LRRC9: variants seen among roughly 807,000 people sequenced by gnomAD.
LRRC9 encodes the protein leucine rich repeat containing 9.
Under a neutral mutation model 63.2 loss-of-function variants are expected in LRRC9, and 122 were observed. The observed-to-expected ratio is 1.93, with a 90% confidence interval of 1.67 to 2.24. The LOEUF (loss-of-function observed/expected upper bound fraction) is 2.24. LRRC9 is among the 30% of genes most tolerant of loss of function. The probability of loss-of-function intolerance (pLI) is 0.00; values close to 1 mark genes in which losing one functional copy is unlikely to be tolerated. For synonymous variants in LRRC9, 366 were observed against 213.1 expected, an observed-to-expected ratio of 1.72 and a Z score of -6.25; for missense variants, 1,071 against 627.7, an observed-to-expected ratio of 1.71 and a Z score of -7.55.
intron 1 of LRRC9, among the ~76,000 whole-genome samples, chr14:59,925,198 C>T (rs543499885): frequency 6.6e-6 from 1 of 152,254 alleles, no homozygotes; most frequent in African/African-American, 2.4e-5. Flanking sequence ...GGTCCCATCC[C>T]TCCTTCTTGA....
intron 18 of LRRC9, 23 bp downstream of exon 18, chr14:59,997,870 A>C (rs1365770143): frequency 1.6e-6 from 1 of 642,696 alleles, no homozygotes; most frequent in East Asian, 2.8e-5. Context: ...CATGTTACTA[A>C]AAAGCAAACA....
chr14:60,034,333 A>G (rs575898420), intron 29 of LRRC9, among the ~76,000 whole-genome samples: 3 of 151,922 alleles, frequency 2.0e-5, no homozygotes, highest in Non-Finnish European at 4.4e-5. Context: ...TTTTTAATGT[A>G]TTGCTGTCAT....
chr14:59,934,985 AAAAT>A (rs1338463501), intron 6 of LRRC9, among the ~76,000 whole-genome samples: 10 of 152,206 alleles, frequency 6.6e-5, no homozygotes, highest in Admixed American at 6.5e-4. Context: ...AATAAAATGA[AAAAT>A]AAAACATGAT....
chr14:59,929,557 C>A (rs1261943069), intron 3 of LRRC9, among the ~76,000 whole-genome samples: 1 of 152,050 alleles, frequency 6.6e-6, no homozygotes, highest in Non-Finnish European at 1.5e-5. Flanking sequence ...ACCATTCAAC[C>A]CAGCAATTCC....
exon 15 of LRRC9, chr14:59,978,098 C>T (rs780174799): frequency 2.0e-5 from 14 of 701,802 alleles, no homozygotes; most frequent in East Asian, 1.6e-4. Flanking sequence ...CTTGTTTTGC[C>T]GGAATATGTT....
At position 59,944,849 on chromosome 14, in the gene LRRC9, T is replaced by TAC. The variant is rs528764946; in HGVS notation, c.882+120_882+121dup. 402 of 463,994 alleles carry TAC rather than the reference T, an allele frequency of 8.7e-4. 4 individuals are homozygous for TAC. The South Asian group carries it at 9.2e-3, about 11-fold the overall frequency. The allele number at this position is 463,994 out of a possible 1,614,324, so 28.7% of individuals were successfully genotyped here. ...ATTATGTATATACACACATATATAA[T>TAC]ACACACACACACACACTCACACACA... On this transcript the variant is annotated intron_variant, in intron 8 of 31. Coordinates refer to ENST00000445360, the Ensembl canonical transcript of LRRC9.
downstream of LRRC9, among the ~76,000 whole-genome samples, chr14:60,064,457 T>G (rs1427026463): frequency 6.6e-6 from 1 of 152,228 alleles, no homozygotes; most frequent in East Asian, 1.9e-4. Flanking sequence ...CTGGAAATAG[T>G]TTTAAAGGTA....
At chr14:59,997,953 G>A (rs1009412560) in intron 18 of LRRC9, 106 bp downstream of exon 18, 13 of 560,368 alleles carry the variant, frequency 2.3e-5, no homozygotes, top group African/African-American at 1.1e-4. Flanking sequence ...AAGTATCTTC[G>A]TTTTTCTAGA....
rs1887484265 is a variant in LRRC9, at chr14:59,986,457, C to T, written c.2211+1233C>T. Among the ~76,000 whole-genome samples, 1 of 152,166 alleles carries T rather than the reference C, an allele frequency of 6.6e-6. No individual in the cohort carries two copies. Among genetic ancestry groups the T allele is most frequent in the South Asian group, 2.1e-4 (1 of 4,828 alleles). On this transcript the variant is annotated intron_variant, in intron 17 of 31. Transcript: ENST00000445360. The surrounding 1 kb of genome is among the most constrained non-coding windows in gnomAD (Gnocchi z 4.7). Reference sequence around the variant, plus strand: ...CATTAGGTTTAGATTTAGTGTTAAACTCACTTCCTTTTTCTTTTGGTAGGC... The same window carrying T: ...CATTAGGTTTAGATTTAGTGTTAAATTCACTTCCTTTTTCTTTTGGTAGGC...
intron 17 of LRRC9, among the ~76,000 whole-genome samples, chr14:59,989,030 C>T (rs1030343529): frequency 6.6e-6 from 1 of 151,902 alleles, no homozygotes; most frequent in African/African-American, 2.4e-5. Flanking sequence ...GATTTTTTTA[C>T]CCTTTATAAG....
At chr14:59,946,323 A>C (rs1882386682) in intron 8 of LRRC9, among the ~76,000 whole-genome samples, 1 of 150,846 alleles carries the variant, frequency 6.6e-6, no homozygotes, top group Non-Finnish European at 1.5e-5. Flanking sequence ...TTAATAATAA[A>C]AAAGATTATT....
intron 16 of LRRC9, among the ~76,000 whole-genome samples, chr14:59,983,603 G>A (rs928115988): frequency 1.3e-5 from 2 of 152,104 alleles, no homozygotes; most frequent in Non-Finnish European, 2.9e-5. Context: ...GTAGAAACAT[G>A]CTTTTGAAAG....
chr14:60,059,372 C>G (rs1189180284), intron 31 of LRRC9, among the ~76,000 whole-genome samples: 1 of 152,166 alleles, frequency 6.6e-6, no homozygotes, highest in African/African-American at 2.4e-5. Flanking sequence ...CCTACAATGA[C>G]TTCTAAGGAA....
At chr14:60,022,664 G>T in intron 26 of LRRC9, 70 bp from the exon 27 acceptor site, 1 of 471,726 alleles carries the variant, frequency 2.1e-6, no homozygotes, top group East Asian at 3.2e-5. Flanking sequence ...AACACATACT[G>T]AACTGTCTTT....
At chr14:60,016,422 T>C (rs1318930271) in intron 23 of LRRC9, among the ~76,000 whole-genome samples, 1 of 152,068 alleles carries the variant, frequency 6.6e-6, no homozygotes, top group African/African-American at 2.4e-5. Flanking sequence ...CCCAGCCTCA[T>C]CTTGAACTCC....
At chr14:60,064,988 T>C (rs1191767504), downstream of LRRC9, among the ~76,000 whole-genome samples, 2 of 152,240 alleles carry the variant, frequency 1.3e-5, no homozygotes, top group African/African-American at 4.8e-5. Flanking sequence ...CTTTTAGCCA[T>C]TTTTCCTATG....
rs1888965934 is a variant in LRRC9, at chr14:59,923,722, C to T, written c.-34+3839C>T. Among the ~76,000 whole-genome samples the T allele has an allele frequency of 6.6e-6, 1 of 152,176 alleles. No individual in the cohort carries two copies. Among genetic ancestry groups the T allele is most frequent in the South Asian group, 2.1e-4 (1 of 4,834 alleles). ...CTGGGAAGCTGAGGTGGGTGGATCA[C>T]GAGGTCTGGAGATCAAGACCATCCT... On this transcript the variant is annotated intron_variant, in intron 1 of 31. Transcript: ENST00000445360. The surrounding 1 kb of genome is among the most constrained non-coding windows in gnomAD (Gnocchi z 4.2).
At chr14:59,973,604 C>T (rs568724994) in intron 12 of LRRC9, 1 of 152,038 alleles carries the variant, frequency 6.6e-6, no homozygotes. Context: ...CTCCTCTAGA[C>T]TACTTACAAT....
chr14:60,057,771 G>C lies in LRRC9; in HGVS notation c.4132-107G>C, dbSNP rs77027713. On this transcript the variant is annotated intron_variant, in intron 30 of 31. Coordinates refer to ENST00000445360, the Ensembl canonical transcript of LRRC9. The stretch of plus-strand genomic sequence containing the variant: ...GAGTTTAGGCAAGCAGGTAGCTCCT[G>C]ACTAAAAAGAATGTTGATTGTCTAC... The C allele has an allele frequency of 8.1e-3, 3,644 of 449,578 alleles. 199 individuals carry two copies. In the East Asian group the frequency reaches 0.093, roughly 11 times the overall value. The allele number at this position is 449,578 out of a possible 1,614,324, so 27.8% of individuals were successfully genotyped here.
Sources: gnomAD v4.1 joint callset for allele counts (sites outside exome capture counted in the v4.1 genomes callset) on GRCh38, gnomAD v4.1.1 for gene constraint, Gnocchi (gnomAD v3.1) non-coding constraint, MANE v1.5 for transcripts, NCBI Gene and HGNC (gene_info 2026-07-23, HGNC 2026-07-21) for gene names.